SYT2: variants seen among roughly 807,000 people sequenced by gnomAD.
The protein encoded by SYT2 is synaptotagmin-2.
SYT2 carries 15 observed loss-of-function variants against 39.9 expected under a neutral mutation model. That is an observed-to-expected ratio of 0.38 (90% confidence interval 0.25 to 0.58). The LOEUF is 0.58. Among genes scored for constraint, SYT2 ranks in the 20% least tolerant of loss-of-function variants. The probability of loss-of-function intolerance (pLI) is 0.70; values close to 1 mark genes in which losing one functional copy is unlikely to be tolerated. For synonymous variants in SYT2, 181 were observed against 204.5 expected (o/e 0.89, Z 0.98); for missense variants, 389 against 530.3 (o/e 0.73, Z 2.62).
intron 1 of SYT2, among the ~76,000 whole-genome samples, chr1:202,685,114 G>A (rs1572678530): frequency 6.6e-6 from 1 of 152,144 alleles, no homozygotes; most frequent in Admixed American, 6.5e-5. Flanking sequence ...CCCTGTCCTG[G>A]CAAACCTGTC....
Position 202,605,628 on chromosome 1 carries a change from C to T in SYT2, c.145G>A (p.Glu49Lys), listed in dbSNP as rs749704614. 5.0e-6 allele frequency: 8 copies of T among 1,613,714 alleles called. No individual in the cohort carries two copies. The highest frequency in any genetic ancestry group is 1.3e-5 in the African/African-American group (1 of 74,920). The change falls in exon 2 of 9, where the codon GAG becomes AAG. Residue 49 changes from glutamate (E) to lysine (K), a missense_variant. Around this residue, in one of 4 missense-constraint regions of SYT2, gnomAD observed 280 missense variants for 335.6 expected, o/e 0.83. Transcript: ENST00000367268. ...SQEDMFAKLKEKLFNEINKIP... is the reference protein window; with the variant it reads ...SQEDMFAKLKKKLFNEINKIP... ...TTGTTTATCTCATTGAATAACTTCT[C>T]CTTCAGTTTGGCAAACATGTCCTCC...
At position 202,596,489 on chromosome 1, in the gene SYT2, C is replaced by T. The variant is rs1015772322; in HGVS notation, c.*268G>A. ...GGCAGATGTGAAGCTTTGAAAGAGT[C>T]GAGGGAACTGTGACAGGGCATGCAG... On this transcript the variant is annotated 3_prime_UTR_variant, in exon 9 of 9. Transcript: ENST00000367268. 7.0e-5 allele frequency: 25 copies of T among 356,782 alleles called. No individual in the cohort carries two copies. In the Admixed American group the frequency reaches 7.2e-4, roughly 10 times the overall value. 22.1% of individuals were successfully genotyped at this position (356,782 alleles called of 1,614,324 possible).
intron 7 of SYT2, 118 bp downstream of exon 7, chr1:202,600,239 G>T: frequency 1.2e-6 from 1 of 821,768 alleles, no homozygotes; most frequent in East Asian, 2.5e-5. Context: ...TCCTCGAGGA[G>T]ACATCTCAGT....
At chr1:202,600,868 A>T (rs1329806903) in intron 6 of SYT2, among the ~76,000 whole-genome samples, 1 of 152,188 alleles carries the variant, frequency 6.6e-6, no homozygotes, top group Non-Finnish European at 1.5e-5. Flanking sequence ...CGGGTGGGTT[A>T]GCCACGTGTC....
chr1:202,638,694 A>G (rs753172647), intron 1 of SYT2, among the ~76,000 whole-genome samples: 2 of 150,062 alleles, frequency 1.3e-5, no homozygotes, highest in Non-Finnish European at 3.0e-5. Flanking sequence ...AAGTGCTCAC[A>G]CCCGAGGCCC....
chr1:202,673,439 C>A (rs1558457171), intron 1 of SYT2, among the ~76,000 whole-genome samples: 1 of 152,210 alleles, frequency 6.6e-6, no homozygotes, highest in Non-Finnish European at 1.5e-5. Flanking sequence ...AAAAATGTAT[C>A]AATGTTCTGT....
At chr1:202,624,392 G>C (rs544634449) in intron 1 of SYT2, among the ~76,000 whole-genome samples, 1 of 151,586 alleles carries the variant, frequency 6.6e-6, no homozygotes, top group Non-Finnish European at 1.5e-5. Context: ...TGGTGTGTAC[G>C]TATGTGTGGT....
chr1:202,643,644 A>G (rs1266689026), intron 1 of SYT2, among the ~76,000 whole-genome samples: 1 of 152,148 alleles, frequency 6.6e-6, no homozygotes, highest in Non-Finnish European at 1.5e-5. Flanking sequence ...CCGCGCGCCC[A>G]CGCCTCCCTT....
chr1:202,692,425 T>C (rs947498043), intron 1 of SYT2, among the ~76,000 whole-genome samples: 13 of 152,214 alleles, frequency 8.5e-5, no homozygotes, highest in African/African-American at 3.1e-4. Flanking sequence ...TCTAAACATT[T>C]CAACAAGCTG....
intron 1 of SYT2, among the ~76,000 whole-genome samples, chr1:202,661,854 T>C (rs1320462362): frequency 6.6e-6 from 1 of 152,232 alleles, no homozygotes; most frequent in Non-Finnish European, 1.5e-5. Flanking sequence ...ACAAATCTAG[T>C]ACATTTATTT....
intron 1 of SYT2, among the ~76,000 whole-genome samples, chr1:202,708,273 T>C (rs1200633805): frequency 6.6e-6 from 1 of 152,084 alleles, no homozygotes; most frequent in African/African-American, 2.4e-5. Context: ...ACCAAGCTCC[T>C]GGACTGCAGA....
intron 1 of SYT2, among the ~76,000 whole-genome samples, chr1:202,606,088 A>G (rs1690697317): frequency 1.3e-5 from 2 of 152,052 alleles, no homozygotes; most frequent in South Asian, 4.1e-4. Flanking sequence ...ATGGGTGATT[A>G]AGTAAGGTTC....
Position 202,660,156 on chromosome 1 carries a change from T to C in SYT2, c.-18+50102A>G, listed in dbSNP as rs115621747. 2.6e-3 allele frequency among the ~76,000 whole-genome samples: 392 copies of C among 152,276 alleles called. 1 individual carries two copies. The highest frequency in any genetic ancestry group is 9.0e-3 in the African/African-American group (374 of 41,548). On this transcript the variant is annotated intron_variant, in intron 1 of 8. Transcript: ENST00000367268. ...GGTTCTGAGGACAGTAAGGGAGACCTGAGTTAGCCACAAGGGGGAACATCT... is the reference window on the plus strand; with the variant it reads ...GGTTCTGAGGACAGTAAGGGAGACCCGAGTTAGCCACAAGGGGGAACATCT...
chr1:202,624,701 TAGG>T lies in SYT2; in HGVS notation c.-17-18915_-17-18913del. Among the ~76,000 whole-genome samples the T allele has an allele frequency of 1.2e-4, 3 of 25,888 alleles. No homozygotes were observed. In the Admixed American group the frequency reaches 1.3e-3, roughly 11 times the overall value. 17.0% of individuals were successfully genotyped at this position (25,888 alleles called of 152,430 possible). A position where few individuals can be genotyped will look rare whatever the true frequency, so the allele number is the denominator to read the frequency against. ...GTTTAGTAGTGTGTGTTGCGTGTAG[TAGG>T]GTGTGTGTGTGGTATGTAGTAGGGT... On this transcript the variant is annotated intron_variant, in intron 1 of 8. Coordinates refer to ENST00000367268, the MANE Select transcript of SYT2 (RefSeq NM_177402.5).
Position 202,599,040 on chromosome 1 carries a change from G to C in SYT2, c.1053+178C>G, listed in dbSNP as rs1378162723. ...GTTCATGTTTATCTCCTCAGAAAAG[G>C]GGGATCCCTGAAGCACTTGGGAAGG... On this transcript the variant is annotated intron_variant, in intron 8 of 8. Coordinates refer to ENST00000367268, the MANE Select transcript of SYT2 (RefSeq NM_177402.5). The surrounding 1 kb of genome is among the most constrained non-coding windows in gnomAD (Gnocchi z 4.4). Among the ~76,000 whole-genome samples, 1 of 152,072 alleles carries C rather than the reference G, an allele frequency of 6.6e-6. No homozygotes were observed. Among genetic ancestry groups the C allele is most frequent in the African/African-American group, 2.4e-5 (1 of 41,358 alleles).
chr1:202,605,692 C>A lies in SYT2; in HGVS notation c.81G>T (p.Val27=), dbSNP rs1690679323. Residue 27 remains valine, a synonymous_variant, in exon 2 of 9, where the codon GTG becomes GTT. Transcript: ENST00000367268. ...TTTATMPIGP[V]DNSTESGGAG... ...CACCCCCACTCTCAGTGGAGTTGTC[C>A]ACGGGTCCAATGGGCATCGTGGCGG... 6.2e-7 allele frequency: 1 copy of A among 1,613,908 alleles called. No homozygotes were observed. The highest frequency in any genetic ancestry group is 1.3e-5 in the African/African-American group (1 of 74,906).
At chr1:202,630,283 T>TG (rs1268774976) in intron 1 of SYT2, 2 of 715,592 alleles carry the variant, frequency 2.8e-6, no homozygotes, top group Non-Finnish European at 3.4e-6. Flanking sequence ...GGCTGACCCC[T>TG]GGCTCCCACA....
intron 1 of SYT2, among the ~76,000 whole-genome samples, chr1:202,684,580 A>T (rs564071063): frequency 6.6e-6 from 1 of 152,306 alleles, no homozygotes; most frequent in Admixed American, 6.5e-5. Context: ...TATTGTGAAT[A>T]GCGCTGCCAT....
At chr1:202,659,448 T>C (rs2153441) in intron 1 of SYT2, among the ~76,000 whole-genome samples, 70,903 of 151,938 alleles carry the variant, frequency 0.47, 17,717 homozygotes, top group East Asian at 0.79. Flanking sequence ...GGAGTGACAC[T>C]GGGGGCTCTT....
Sources: gnomAD v4.1 joint callset for allele counts (sites outside exome capture counted in the v4.1 genomes callset) on GRCh38, gnomAD v4.1.1 for gene constraint, gnomAD v4.1.1 regional missense constraint, Gnocchi (gnomAD v3.1) non-coding constraint, MANE v1.5 for transcripts, NCBI Gene and HGNC (gene_info 2026-07-23, HGNC 2026-07-21) for gene names.